WNK3: variants seen among roughly 807,000 people sequenced by gnomAD.
WNK3 encodes serine/threonine-protein kinase WNK3.
WNK3 carries 18 observed loss-of-function variants against 116.7 expected under a neutral mutation model. The ratio of observed to expected loss-of-function variants is 0.15; its 90% confidence interval spans 0.11 to 0.23. The LOEUF is 0.23. Ranked by LOEUF, WNK3 falls within the 10% of genes least tolerant of loss-of-function variation. The pLI is 1.00. For missense variants in WNK3, 993 were observed against 1,323.8 expected (o/e 0.75, Z 3.88); for synonymous variants, 404 against 469.4 (o/e 0.86, Z 1.80).
chrX:54,343,275 G>A (rs1479522665), intron 1 of WNK3, among the ~76,000 whole-genome samples: 3 of 110,900 alleles, frequency 2.7e-5, no homozygotes, highest in South Asian at 3.9e-4. Flanking sequence ...TTGGGAGGCC[G>A]AGGAGGGTGG....
chrX:54,266,453 G>A (rs1221851640), intron 10 of WNK3, among the ~76,000 whole-genome samples: 1 of 111,650 alleles, frequency 9.0e-6, no homozygotes, highest in African/African-American at 3.2e-5. Context: ...TAATTAGATT[G>A]TAACACAAAG....
At chrX:54,280,268 G>C (rs1296251657) in intron 10 of WNK3, among the ~76,000 whole-genome samples, 1 of 108,722 alleles carries the variant, frequency 9.2e-6, no homozygotes, top group African/African-American at 3.4e-5. Context: ...CTGCACTCCA[G>C]CCTGGGTGAC....
intron 10 of WNK3, among the ~76,000 whole-genome samples, chrX:54,280,220 C>G (rs1261615755): frequency 1.8e-5 from 2 of 109,919 alleles, no homozygotes; most frequent in Non-Finnish European, 3.8e-5. Flanking sequence ...TCGCTTGAAC[C>G]CGGGGAGCGG....
chrX:54,227,370 C>T (rs1357215393), intron 22 of WNK3, among the ~76,000 whole-genome samples: 1 of 111,851 alleles, frequency 8.9e-6, no homozygotes, highest in African/African-American at 3.2e-5. Context: ...ATCAGTCATT[C>T]ATATATCTTC....
intron 10 of WNK3, among the ~76,000 whole-genome samples, chrX:54,288,088 A>C (rs185972774): frequency 5.5e-4 from 61 of 111,870 alleles, no homozygotes; most frequent in African/African-American, 1.7e-3. Context: ...GCTAAGCTGT[A>C]AGATGGCTAC....
At position 54,278,959 on chromosome X, in the gene WNK3, T is replaced by C. The variant is rs191886825; in HGVS notation, c.2037+13929A>G. Among the ~76,000 whole-genome samples the C allele has an allele frequency of 4.8e-3, 532 of 110,649 alleles. 2 individuals are homozygous for C. Among genetic ancestry groups the C allele is most frequent in the African/African-American group, 0.016 (500 of 30,571 alleles). Reference sequence around the variant, plus strand: ...GGCGGGCACCTGTAATTCTAGCTACTTGGGAGGCTGAGGCAGGAGAATCAC... The same window carrying C: ...GGCGGGCACCTGTAATTCTAGCTACCTGGGAGGCTGAGGCAGGAGAATCAC... On this transcript the variant is annotated intron_variant, in intron 10 of 23. Transcript: ENST00000354646.
At chrX:54,321,464 A>G (rs782723876) in intron 2 of WNK3, among the ~76,000 whole-genome samples, 1 of 111,294 alleles carries the variant, frequency 9.0e-6, no homozygotes, top group African/African-American at 3.3e-5. Context: ...GAGTGCAGAT[A>G]TCTCATTCAC....
Position 54,237,633 on chromosome X carries a change from C to T in WNK3, c.4015-82G>A, listed in dbSNP as rs937322589. Reference sequence around the variant, plus strand: ...TGTGATGTATATGTATTGATACTAGCAAAACTTAAAAATTTAATCTATACC... The same window carrying T: ...TGTGATGTATATGTATTGATACTAGTAAAACTTAAAAATTTAATCTATACC... On this transcript the variant is annotated intron_variant, in intron 19 of 23. Coordinates refer to ENST00000354646, the Ensembl canonical transcript of WNK3. The T allele has an allele frequency of 2.9e-5, 29 of 987,249 alleles. No individual in the cohort carries two copies. The African/African-American group carries it at 5.7e-4, about 19-fold the overall frequency. 81.4% of individuals were successfully genotyped at this position (987,249 alleles called of 1,213,427 possible).
exon 21 of WNK3, chrX:54,232,830 C>T: frequency 8.3e-7 from 1 of 1,211,143 alleles, no homozygotes; most frequent in East Asian, 3.0e-5. Context: ...ATGCCATTGT[C>T]CACATGTGTC....
At chrX:54,305,009 G>C (rs1379685884) in intron 5 of WNK3, among the ~76,000 whole-genome samples, 1 of 108,955 alleles carries the variant, frequency 9.2e-6, no homozygotes, top group Non-Finnish European at 1.9e-5. Context: ...AAACTAGCCA[G>C]GTGTGGAGGC....
At chrX:54,254,152 T>G in intron 12 of WNK3, 77 bp from the exon 13 acceptor site, 2 of 583,864 alleles carry the variant, frequency 3.4e-6, no homozygotes, top group South Asian at 6.9e-5. Context: ...ACATCTACAC[T>G]AGTTCACGTA....
rs2068958863 is a variant in WNK3, at chrX:54,316,532, T to TC, written c.538-5242dup. 3.7e-5 allele frequency among the ~76,000 whole-genome samples: 3 copies of TC among 80,116 alleles called. No individual in the cohort carries two copies. In the Admixed American group the frequency reaches 5.0e-4, roughly 13 times the overall value. 69.6% of individuals were successfully genotyped at this position (80,116 alleles called of 115,157 possible). Reference sequence around the variant, plus strand: ...TCCAGCCTGGGCAATAGAGCGAGACTCCATCTCAAAAAAAAAAAAAAAAAA... The same window carrying TC: ...TCCAGCCTGGGCAATAGAGCGAGACTCCCATCTCAAAAAAAAAAAAAAAAAA... On this transcript the variant is annotated intron_variant, in intron 2 of 23. Coordinates refer to ENST00000354646, the Ensembl canonical transcript of WNK3.
In WNK3 at chrX:54,342,344, T is replaced by C. The variant is rs1557176593; in HGVS notation, c.-119-8552A>G. Among the ~76,000 whole-genome samples, 3 of 110,378 alleles carry C rather than the reference T, an allele frequency of 2.7e-5. No individual in the cohort carries two copies. In the East Asian group the frequency reaches 8.6e-4, roughly 32 times the overall value. On this transcript the variant is annotated intron_variant, in intron 1 of 23. Transcript: ENST00000354646. ...AACTCTGGGAGGCCAAGGTGGGCAA[T>C]CACCTGTGGTCAGGAGTTCCAGACC...
At chrX:54,292,285 A>G (rs2068647113) in intron 10 of WNK3, among the ~76,000 whole-genome samples, 1 of 111,881 alleles carries the variant, frequency 8.9e-6, no homozygotes, top group African/African-American at 3.2e-5. Flanking sequence ...ACAAATAATC[A>G]TGAATAAGAG....
At chrX:54,219,829 G>A (rs1229207187) in intron 22 of WNK3, among the ~76,000 whole-genome samples, 1 of 111,355 alleles carries the variant, frequency 9.0e-6, no homozygotes. Flanking sequence ...TTTTCTATAG[G>A]TGAATTTTAA....
intron 17 of WNK3, among the ~76,000 whole-genome samples, chrX:54,248,099 G>A (rs545120912): frequency 4.6e-5 from 5 of 109,670 alleles, no homozygotes; most frequent in Admixed American, 2.9e-4. Context: ...TTAGCCGGGC[G>A]TGGTGGCACG....
At chrX:54,240,353 C>T (rs1434056531) in intron 17 of WNK3, among the ~76,000 whole-genome samples, 3 of 108,294 alleles carry the variant, frequency 2.8e-5, no homozygotes, top group African/African-American at 1.0e-4. Flanking sequence ...CAGGTCAGGA[C>T]ATATTAAAAA....
chrX:54,257,034 C>T (rs782160298), intron 11 of WNK3, among the ~76,000 whole-genome samples: 1 of 111,945 alleles, frequency 8.9e-6, no homozygotes, highest in Admixed American at 9.5e-5. Context: ...CAGGAGGGCA[C>T]AGAAGAGTGA....
At chrX:54,305,006 C>G (rs1160322950) in intron 5 of WNK3, among the ~76,000 whole-genome samples, 1 of 108,581 alleles carries the variant, frequency 9.2e-6, no homozygotes, top group African/African-American at 3.4e-5. Flanking sequence ...CAAAAACTAG[C>G]CAGGTGTGGA....
Sources: gnomAD v4.1 joint callset for allele counts (sites outside exome capture counted in the v4.1 genomes callset) on GRCh38, gnomAD v4.1.1 for gene constraint, MANE v1.5 for transcripts, NCBI Gene and HGNC (gene_info 2026-07-23, HGNC 2026-07-21) for gene names.